FKBP5: variants seen among roughly 807,000 people sequenced by gnomAD.
FKBP5 encodes the protein FKBP prolyl isomerase 5.
FKBP5 carries 23 observed loss-of-function variants against 50.5 expected under a neutral mutation model. The observed-to-expected ratio is 0.46, with a 90% CI of 0.33 to 0.65. The LOEUF is 0.65. FKBP5 is among the 30% of genes least tolerant of loss of function. The probability of loss-of-function intolerance (pLI) is 0.02; values close to 1 mark genes in which losing one functional copy is unlikely to be tolerated. For synonymous variants in FKBP5, 176 were observed against 190.6 expected (o/e 0.92, Z 0.63); for missense variants, 411 against 553.1 (o/e 0.74, Z 2.58).
chr6:35,588,185 C>G (rs1423245878), intron 7 of FKBP5, among the ~76,000 whole-genome samples: 1 of 151,752 alleles, frequency 6.6e-6, no homozygotes, highest in African/African-American at 2.4e-5. Context: ...ACCACCATGC[C>G]CGGCTAATTT....
At chr6:35,709,884 A>G (rs1199258381) in intron 2 of FKBP5, among the ~76,000 whole-genome samples, 1 of 151,766 alleles carries the variant, frequency 6.6e-6, no homozygotes, top group Non-Finnish European at 1.5e-5. Flanking sequence ...AGGTAAAAAA[A>G]AAAACAGACA....
intron 8 of FKBP5, chr6:35,580,734 C>T (rs574179822): frequency 3.0e-4 from 110 of 366,394 alleles, no homozygotes; most frequent in African/African-American, 2.3e-3. Flanking sequence ...GTAGAGACAG[C>T]GTTTCACTAT....
At chr6:35,615,471 T>G (rs1384833104) in intron 5 of FKBP5, among the ~76,000 whole-genome samples, 1 of 152,018 alleles carries the variant, frequency 6.6e-6, no homozygotes, top group Non-Finnish European at 1.5e-5. Flanking sequence ...ATGGGGATAA[T>G]ATTGAAAGGA....
chr6:35,609,817 T>C (rs908889245), intron 5 of FKBP5, among the ~76,000 whole-genome samples: 20 of 152,228 alleles, frequency 1.3e-4, no homozygotes, highest in Non-Finnish European at 2.6e-4. Flanking sequence ...CCAGAAACTT[T>C]CTTGTCCTCC....
At chr6:35,623,388 T>A (rs1034320519) in intron 3 of FKBP5, among the ~76,000 whole-genome samples, 4 of 152,222 alleles carry the variant, frequency 2.6e-5, no homozygotes, top group African/African-American at 7.2e-5. Flanking sequence ...AATGGGTGTA[T>A]AATACTACAA....
At chr6:35,605,799 G>C (rs1413611441) in intron 5 of FKBP5, among the ~76,000 whole-genome samples, 1 of 152,132 alleles carries the variant, frequency 6.6e-6, no homozygotes, top group Non-Finnish European at 1.5e-5. Flanking sequence ...GCATGGTACT[G>C]AGCCACAGCA....
At position 35,638,090 on chromosome 6, in the gene FKBP5, T is replaced by A. The variant is rs76083010; in HGVS notation, c.106-932A>T. ...AGTATTTAACTACTGTAAAATCCAG[T>A]GTATTTATTTTGTTCTTGGCAGAGC... On this transcript the variant is annotated intron_variant, in intron 2 of 10. Coordinates refer to ENST00000357266, the MANE Select transcript of FKBP5 (RefSeq NM_004117.4). 1.6e-3 allele frequency among the ~76,000 whole-genome samples: 250 copies of A among 152,234 alleles called. 1 individual carries two copies. Among genetic ancestry groups the A allele is most frequent in the African/African-American group, 5.6e-3 (234 of 41,550 alleles).
chr6:35,630,427 A>G (rs1364687820), intron 3 of FKBP5, among the ~76,000 whole-genome samples: 2 of 151,982 alleles, frequency 1.3e-5, no homozygotes, highest in Admixed American at 6.6e-5. Flanking sequence ...CATGCCTGTA[A>G]TCCCAGCTAC....
In FKBP5 at chr6:35,598,024, C is replaced by G. The variant is rs73417627; in HGVS notation, c.509-620G>C. ...TGTAAAGTGTGAAAGAATCAATAGT[C>G]TACTATAACTTCACAAATCAAATTA... On this transcript the variant is annotated intron_variant, in intron 5 of 10. Coordinates refer to ENST00000357266, the MANE Select transcript of FKBP5 (RefSeq NM_004117.4). 4.7e-3 allele frequency among the ~76,000 whole-genome samples: 721 copies of G among 152,262 alleles called. 3 individuals are homozygous for G. The highest frequency in any genetic ancestry group is 0.017 in the African/African-American group (689 of 41,540).
At chr6:35,662,577 C>G (rs1374272454) in intron 1 of FKBP5, among the ~76,000 whole-genome samples, 1 of 152,024 alleles carries the variant, frequency 6.6e-6, no homozygotes, top group East Asian at 1.9e-4. Context: ...AGCCATCACG[C>G]CTGGCTGTGT....
chr6:35,601,791 A>C (rs1763151878), intron 5 of FKBP5, among the ~76,000 whole-genome samples: 1 of 152,210 alleles, frequency 6.6e-6, no homozygotes. Flanking sequence ...TGACATGCCC[A>C]AAGAGAATAA....
At chr6:35,692,890 A>G (rs556577158), upstream of FKBP5, among the ~76,000 whole-genome samples, 1 of 151,414 alleles carries the variant, frequency 6.6e-6, no homozygotes, top group South Asian at 2.1e-4. Flanking sequence ...AGTTTTGAAC[A>G]ATTCTCAGAC....
intron 1 of FKBP5, among the ~76,000 whole-genome samples, chr6:35,644,233 T>A (rs1581846305): frequency 6.6e-6 from 1 of 152,186 alleles, no homozygotes; most frequent in East Asian, 1.9e-4. Flanking sequence ...ACCACTGCCA[T>A]GATGAATTCC....
intron 7 of FKBP5, among the ~76,000 whole-genome samples, chr6:35,588,056 G>C (rs556755865): frequency 3.4e-5 from 5 of 148,436 alleles, no homozygotes; most frequent in African/African-American, 1.2e-4. Flanking sequence ...ACGGAGTTTC[G>C]CTCTTGTTGT....
chr6:35,658,087 C>T lies in FKBP5; in HGVS notation c.-19-15244G>A, dbSNP rs1038846087. 4.2e-5 allele frequency among the ~76,000 whole-genome samples: 6 copies of T among 142,804 alleles called. No homozygotes were observed. The South Asian group carries it at 1.1e-3, about 26-fold the overall frequency. The allele number at this position is 142,804 out of a possible 152,430, so 93.7% of individuals were successfully genotyped here. ...CTACTAAAAAAAAAAAAAAAAAATACAAAAATTGGCCAGGCGCAGTGGCTC... is the reference window on the plus strand; with the variant it reads ...CTACTAAAAAAAAAAAAAAAAAATATAAAAATTGGCCAGGCGCAGTGGCTC... On this transcript the variant is annotated intron_variant, in intron 1 of 10. Transcript: ENST00000357266.
intron 5 of FKBP5, among the ~76,000 whole-genome samples, chr6:35,609,039 G>A (rs765869699): frequency 2.6e-5 from 4 of 152,120 alleles, no homozygotes; most frequent in African/African-American, 4.8e-5. Flanking sequence ...CTCAAGTGAC[G>A]CCCTCCCAAA....
chr6:35,673,543 A>G (rs1454988461), intron 1 of FKBP5, among the ~76,000 whole-genome samples: 4 of 151,966 alleles, frequency 2.6e-5, no homozygotes, highest in African/African-American at 9.7e-5. Context: ...TCTCAAAAGA[A>G]AAAAAAAGAA....
chr6:35,719,713 G>T (rs982379806), intron 2 of FKBP5, among the ~76,000 whole-genome samples: 1 of 152,184 alleles, frequency 6.6e-6, no homozygotes, highest in African/African-American at 2.4e-5. Context: ...TTGCTTCCCG[G>T]ATTCATGGAA....
At chr6:35,590,888 TAA>T (rs199896008) in intron 7 of FKBP5, among the ~76,000 whole-genome samples, 9 of 131,082 alleles carry the variant, frequency 6.9e-5, no homozygotes, top group Admixed American at 7.6e-5. Context: ...CCAAAAAAGT[TAA>T]AAAAAAAAAA....
Sources: gnomAD v4.1 joint callset for allele counts (sites outside exome capture counted in the v4.1 genomes callset) on GRCh38, gnomAD v4.1.1 for gene constraint, MANE v1.5 for transcripts, NCBI Gene and HGNC (gene_info 2026-07-23, HGNC 2026-07-21) for gene names.